The following NOMO1 variants were observed in gnomAD, a reference collection of about 807,000 sequenced individuals.
The protein encoded by NOMO1 is NODAL modulator 1.
A neutral mutation model predicts 133.8 loss-of-function variants in NOMO1; 40 were observed. That is an observed-to-expected ratio of 0.30 (90% CI 0.23 to 0.39). The LOEUF (loss-of-function observed/expected upper bound fraction) is 0.39, where lower values mean the gene tolerates loss of function less well. Among genes scored for constraint, NOMO1 ranks in the 10% least tolerant of loss-of-function variants. The pLI is 1.00. For synonymous variants in NOMO1, 236 were observed against 570.5 expected, an observed-to-expected ratio of 0.41 and a Z score of 8.36; for missense variants, 462 against 1,419.9, an observed-to-expected ratio of 0.33 and a Z score of 10.84.
At chr16:14,887,004 T>C in intron 28 of NOMO1, 142 bp downstream of exon 28, 5 of 982,838 alleles carry the variant, frequency 5.1e-6, no homozygotes, top group Non-Finnish European at 7.6e-6. Context: ...GGTTGGGTTC[T>C]GTAGGGATTA....
chr16:14,836,096 G>A lies in NOMO1; in HGVS notation c.165+2080G>A, dbSNP rs28669710. Among the ~76,000 whole-genome samples, 124 of 151,092 alleles carry A rather than the reference G, an allele frequency of 8.2e-4. 1 individual carries two copies. The highest frequency in any genetic ancestry group is 9.6e-4 in the African/African-American group (39 of 40,478). ...TCTTTATTTCTCTGGAAAGCCAGCC[G>A]ATCTTTAGGCTGCCACACTTGGCTT... On this transcript the variant is annotated intron_variant, in intron 1 of 30. Transcript: ENST00000287667.
intron 1 of NOMO1, among the ~76,000 whole-genome samples, chr16:14,836,046 G>A (rs1352484456): frequency 1.3e-5 from 2 of 151,980 alleles, no homozygotes; most frequent in South Asian, 4.1e-4. Context: ...TTAACAATCC[G>A]CAGGTTTCAC....
chr16:14,885,994 G>A (rs1964318166), intron 27 of NOMO1, among the ~76,000 whole-genome samples: 1 of 152,016 alleles, frequency 6.6e-6, no homozygotes, highest in Admixed American at 6.6e-5. Context: ...ATGTAGAAAG[G>A]TGCCAGTGTG....
At chr16:14,889,015 C>T in intron 28 of NOMO1, 81 bp from the exon 29 acceptor site, 1 of 1,608,056 alleles carries the variant, frequency 6.2e-7, no homozygotes, top group Non-Finnish European at 8.5e-7. Flanking sequence ...CTTTACATCA[C>T]AGCCATACGT....
chr16:14,859,574 G>A (rs1963891687), intron 11 of NOMO1, among the ~76,000 whole-genome samples: 1 of 151,976 alleles, frequency 6.6e-6, no homozygotes, highest in Admixed American at 6.6e-5. Context: ...CAGCACTTTG[G>A]GAGGCAGAGG....
rs561619497 is a variant in NOMO1 at position 14,851,302 on chromosome 16, T to C, written c.583-1128T>C. Among the ~76,000 whole-genome samples, 321 of 152,094 alleles carry C rather than the reference T, an allele frequency of 2.1e-3. 5 individuals are homozygous for C. Among genetic ancestry groups the C allele is most frequent in the African/African-American group, 7.5e-3 (310 of 41,394 alleles). The stretch of plus-strand genomic sequence containing the variant: ...CCGGAAGCAAGTGTGAGGGCACTTC[T>C]GGCTTGCTGGTGCTATTCTGTTGGG... On this transcript the variant is annotated intron_variant, in intron 6 of 30. Transcript: ENST00000287667.
intron 29 of NOMO1, among the ~76,000 whole-genome samples, chr16:14,893,577 A>G: frequency 6.6e-6 from 1 of 152,022 alleles, no homozygotes; most frequent in Admixed American, 6.5e-5. Flanking sequence ...GCAGTTGTTG[A>G]TGGAAATCTG....
At chr16:14,853,700 C>T in intron 8 of NOMO1, 96 bp downstream of exon 8, 1 of 1,360,516 alleles carries the variant, frequency 7.4e-7, no homozygotes, top group East Asian at 2.3e-5. Flanking sequence ...AGATGGTTGG[C>T]CTGCAGTTCT....
rs188248441 is a variant in NOMO1 at position 14,836,758 on chromosome 16, T to G, written c.166-1649T>G. 3.9e-3 allele frequency among the ~76,000 whole-genome samples: 575 copies of G among 147,660 alleles called. 6 individuals are homozygous for G. The highest frequency in any genetic ancestry group is 0.013 in the African/African-American group (539 of 40,030). On this transcript the variant is annotated intron_variant, in intron 1 of 30. Coordinates refer to ENST00000287667, the MANE Select transcript of NOMO1 (RefSeq NM_014287.4). ...CTGTCGCCCAGGCCGGACTGCAGACTGCAGTGGCACAATCTCGGCTCACTG... is the reference window on the plus strand; with the variant it reads ...CTGTCGCCCAGGCCGGACTGCAGACGGCAGTGGCACAATCTCGGCTCACTG...
chr16:14,838,127 C>T (rs1366150637), intron 1 of NOMO1, among the ~76,000 whole-genome samples: 2 of 151,650 alleles, frequency 1.3e-5, no homozygotes, highest in South Asian at 2.1e-4. Flanking sequence ...GAAACTTACA[C>T]GAGCAACCTA....
chr16:14,864,554 A>T, intron 12 of NOMO1, 31 bp from the exon 13 acceptor site: 1 of 1,613,396 alleles, frequency 6.2e-7, no homozygotes, highest in African/African-American at 1.3e-5. Flanking sequence ...CCCCGAATGC[A>T]GCCTCTAACG....
At position 14,881,173 on chromosome 16, in the gene NOMO1, G is replaced by C. The variant is rs533664256; in HGVS notation, c.2886-371G>C. On this transcript the variant is annotated intron_variant, in intron 24 of 30. Coordinates refer to ENST00000287667, the MANE Select transcript of NOMO1 (RefSeq NM_014287.4). ...TAGAGGAAGAGTAATTGGAAAGATT[G>C]GGTTTAGAAAAATGGACCATTTTCT... Among the ~76,000 whole-genome samples, 13 of 152,236 alleles carry C rather than the reference G, an allele frequency of 8.5e-5. No homozygotes were observed. The East Asian group carries it at 1.7e-3, about 20-fold the overall frequency.
intron 11 of NOMO1, among the ~76,000 whole-genome samples, chr16:14,861,749 AT>A (rs1454848128): frequency 6.6e-6 from 1 of 151,488 alleles, no homozygotes; most frequent in African/African-American, 2.4e-5. Context: ...TTGTAAATGA[AT>A]GGGCAGAGCG....
intron 22 of NOMO1, among the ~76,000 whole-genome samples, chr16:14,877,692 A>G (rs1267744490): frequency 6.6e-6 from 1 of 151,174 alleles, no homozygotes; most frequent in Non-Finnish European, 1.5e-5. Context: ...GAAATGTGCT[A>G]AGGAAGTTAC....
At chr16:14,863,279 A>G in intron 12 of NOMO1, 92 bp downstream of exon 12, 1 of 1,504,618 alleles carries the variant, frequency 6.6e-7, no homozygotes, top group Non-Finnish European at 8.9e-7. Context: ...GAGAAGGAGC[A>G]TTCCAGTTTC....
intron 24 of NOMO1, among the ~76,000 whole-genome samples, chr16:14,880,602 G>A (rs925659384): frequency 1.3e-5 from 2 of 151,534 alleles, no homozygotes; most frequent in Non-Finnish European, 2.9e-5. Context: ...GGTTGGTCTC[G>A]GACTCCTGAT....
chr16:14,849,892 C>G (rs1338259410), intron 6 of NOMO1, among the ~76,000 whole-genome samples: 2 of 139,086 alleles, frequency 1.4e-5, no homozygotes, highest in Non-Finnish European at 3.1e-5. Flanking sequence ...CGGCCAGATA[C>G]AGTCTTTTTT....
At chr16:14,845,723 T>C (rs931607697) in intron 4 of NOMO1, among the ~76,000 whole-genome samples, 15 of 151,896 alleles carry the variant, frequency 9.9e-5, no homozygotes, top group Non-Finnish European at 1.9e-4. Flanking sequence ...GGCCCTTCCA[T>C]CCCAGCTGTA....
intron 26 of NOMO1, among the ~76,000 whole-genome samples, chr16:14,883,418 C>G (rs1220448624): frequency 2.0e-5 from 3 of 151,044 alleles, no homozygotes; most frequent in Non-Finnish European, 4.4e-5. Context: ...CTCACTGCAA[C>G]CTCCTCCTTG....
Sources: allele counts gnomAD v4.1 joint callset (sites outside exome capture counted in the v4.1 genomes callset), GRCh38; gene constraint gnomAD v4.1.1; transcripts MANE v1.5; gene names NCBI Gene and HGNC (gene_info 2026-07-23, HGNC 2026-07-21).